Variants in TAOK1 observed in about 807,000 individuals in gnomAD.
TAOK1 encodes the protein TAO kinase 1.
A neutral mutation model predicts 138.3 loss-of-function variants in TAOK1; 21 were observed. The ratio of observed to expected loss-of-function variants is 0.15; its 90% confidence interval spans 0.11 to 0.22. TAOK1 has a LOEUF of 0.22. Among genes scored for constraint, TAOK1 ranks in the 10% least tolerant of loss-of-function variants. The pLI is 1.00. For missense variants in TAOK1, 651 were observed against 1,227.7 expected (o/e 0.53, Z 7.02); for synonymous variants, 361 against 398.4 (o/e 0.91, Z 1.12).
At chr17:29,446,979 A>G (rs1350940382) in intron 1 of TAOK1, among the ~76,000 whole-genome samples, 1 of 150,868 alleles carries the variant, frequency 6.6e-6, no homozygotes, top group Non-Finnish European at 1.5e-5. Flanking sequence ...ACTAGGGATG[A>G]TCCACCTGCC....
chr17:29,534,240 T>C lies in TAOK1; in HGVS notation c.2484T>C (p.Asp828=), dbSNP rs148674035. 2.1e-4 allele frequency: 331 copies of C among 1,613,020 alleles called. No individual in the cohort carries two copies. The highest frequency in any genetic ancestry group is 2.6e-4 in the Non-Finnish European group (305 of 1,179,620). The change falls in exon 19 of 20, where the codon GAT becomes GAC. Residue 828 remains aspartate (D), a synonymous_variant. Coordinates refer to ENST00000261716, the MANE Select transcript of TAOK1 (RefSeq NM_020791.4). Reference sequence around the variant, plus strand: ...AGATGCAAGCTGAGGCACAACATGATCGAGAGCTTCGCGAGCTTGAACAGA... The same window carrying C: ...AGATGCAAGCTGAGGCACAACATGACCGAGAGCTTCGCGAGCTTGAACAGA... ...KIKMQAEAQH[D]RELRELEQRV...
intron 18 of TAOK1, among the ~76,000 whole-genome samples, chr17:29,531,169 G>A (rs971316075): frequency 3.7e-4 from 56 of 150,338 alleles, no homozygotes; most frequent in Admixed American, 1.7e-3. Context: ...GGGTTTTACC[G>A]TGTTAGCCAG....
chr17:29,502,740 A>G lies in TAOK1; in HGVS notation c.1338+17A>G. Reference sequence around the variant, plus strand: ...GCATCACTGGTATGTACTTACCCGAATTAGAGATAAATATATTTTTCATGT... The same window carrying G: ...GCATCACTGGTATGTACTTACCCGAGTTAGAGATAAATATATTTTTCATGT... On this transcript the variant is annotated intron_variant, in intron 13 of 19. Coordinates refer to ENST00000261716, the MANE Select transcript of TAOK1 (RefSeq NM_020791.4). 1 of 1,602,224 alleles carries G rather than the reference A, an allele frequency of 6.2e-7. No individual in the cohort carries two copies. The highest frequency in any genetic ancestry group is 8.5e-7 in the Non-Finnish European group (1 of 1,175,334).
At chr17:29,398,124 A>C (rs548432208) in intron 1 of TAOK1, among the ~76,000 whole-genome samples, 41 of 152,178 alleles carry the variant, frequency 2.7e-4, no homozygotes, top group African/African-American at 9.4e-4. Flanking sequence ...CCTCCTCAGC[A>C]TCCCAAAGAG....
chr17:29,536,822 C>T (rs1413126694), intron 19 of TAOK1, among the ~76,000 whole-genome samples: 1 of 151,156 alleles, frequency 6.6e-6, no homozygotes, highest in East Asian at 2.0e-4. Context: ...GCCTCAGCCT[C>T]CCGAGTACCT....
Position 29,489,646 on chromosome 17 carries a change from GTTTCC to G in TAOK1, c.656-13_656-9del, listed in dbSNP as rs781515659. ...CCCTGGAACCTATTTTAACAGGAAT[GTTTCC>G]TTTCTTTTACAGCGGAAAGGAAGCC... On this transcript the variant is annotated splice_polypyrimidine_tract_variant and intron_variant, in intron 8 of 19. Coordinates refer to ENST00000261716, the MANE Select transcript of TAOK1 (RefSeq NM_020791.4). 3.2e-6 allele frequency: 5 copies of G among 1,570,542 alleles called. No homozygotes were observed. The South Asian group carries it at 5.8e-5, about 18-fold the overall frequency.
chr17:29,393,834 T>C (rs1904504541), intron 1 of TAOK1, among the ~76,000 whole-genome samples: 1 of 152,172 alleles, frequency 6.6e-6, no homozygotes, highest in Admixed American at 6.5e-5. Context: ...AGGATAGTAT[T>C]GCAAACAAAT....
chr17:29,459,436 C>G (rs2030478870), intron 2 of TAOK1, among the ~76,000 whole-genome samples: 1 of 151,868 alleles, frequency 6.6e-6, no homozygotes, highest in Non-Finnish European at 1.5e-5. Flanking sequence ...CGCCCGCCCC[C>G]ACGCCCGGCT....
chr17:29,402,951 G>A (rs1309727694), intron 1 of TAOK1, among the ~76,000 whole-genome samples: 2 of 150,592 alleles, frequency 1.3e-5, no homozygotes, highest in African/African-American at 4.9e-5. Flanking sequence ...GAAGTGGGCA[G>A]ATCACAAGGT....
At chr17:29,467,950 C>G (rs2030713215) in intron 3 of TAOK1, among the ~76,000 whole-genome samples, 1 of 151,116 alleles carries the variant, frequency 6.6e-6, no homozygotes, top group Admixed American at 6.6e-5. Context: ...CTTCAGCCTC[C>G]AGAGTATCTG....
intron 1 of TAOK1, among the ~76,000 whole-genome samples, chr17:29,397,614 ATAT>A (rs753515512): frequency 0.32 from 20,957 of 66,286 alleles, 3,072 homozygotes; most frequent in South Asian, 0.43. Context: ...CCCCAAAAAA[ATAT>A]ATATATATAT....
intron 1 of TAOK1, among the ~76,000 whole-genome samples, chr17:29,444,183 G>A (rs1019365410): frequency 2.6e-5 from 4 of 151,962 alleles, no homozygotes; most frequent in East Asian, 1.9e-4. Context: ...AGGTATTTCT[G>A]TATGTGTATT....
rs1369104559 is a variant in TAOK1 at position 29,455,551 on chromosome 17, T to G, written c.132+3871T>G. Among the ~76,000 whole-genome samples, 2 of 150,620 alleles carry G rather than the reference T, an allele frequency of 1.3e-5. 1 individual carries two copies. Among genetic ancestry groups the G allele is most frequent in the African/African-American group, 5.0e-5 (2 of 39,912 alleles). Reference sequence around the variant, plus strand: ...AGTGAGCATGTTGTCTTGTTCCTGATAGTAGTGAGAAAGCCTTTTCAGCCT... The same window carrying G: ...AGTGAGCATGTTGTCTTGTTCCTGAGAGTAGTGAGAAAGCCTTTTCAGCCT... On this transcript the variant is annotated intron_variant, in intron 2 of 19. Coordinates refer to ENST00000261716, the MANE Select transcript of TAOK1 (RefSeq NM_020791.4).
chr17:29,432,595 G>T (rs1461667083), intron 1 of TAOK1, among the ~76,000 whole-genome samples: 5 of 152,146 alleles, frequency 3.3e-5, no homozygotes, highest in Admixed American at 2.0e-4. Flanking sequence ...CTCCCAAAGT[G>T]CTGGGATTAC....
chr17:29,395,177 G>A (rs9915622), intron 1 of TAOK1, among the ~76,000 whole-genome samples: 63,865 of 151,536 alleles, frequency 0.42, 14,562 homozygotes, highest in East Asian at 0.88. Flanking sequence ...CCAGAAGATG[G>A]AGGCTGCAGT....
At chr17:29,409,819 G>T (rs1905096757) in intron 1 of TAOK1, among the ~76,000 whole-genome samples, 1 of 152,052 alleles carries the variant, frequency 6.6e-6, no homozygotes, top group Non-Finnish European at 1.5e-5. Flanking sequence ...TAACATTCTT[G>T]TGAGAGGGTG....
chr17:29,494,012 GTT>G (rs2031359953), intron 10 of TAOK1, among the ~76,000 whole-genome samples: 2 of 151,998 alleles, frequency 1.3e-5, no homozygotes, highest in African/African-American at 4.8e-5. Context: ...TGCCTCTGAG[GTT>G]CAAGTGATTC....
chr17:29,502,653 C>T lies in TAOK1; in HGVS notation c.1268C>T (p.Pro423Leu), dbSNP rs369256287. Residue 423 changes from proline to leucine, a missense_variant, in exon 13 of 20, where the codon CCC (proline) becomes CTC (leucine). By Grantham distance (98) the Pro-to-Leu change is moderately conservative. Around this residue, in one of 8 missense-constraint regions of TAOK1, gnomAD observed 104 missense variants for 151.7 expected, o/e 0.69. Coordinates refer to ENST00000261716, the MANE Select transcript of TAOK1 (RefSeq NM_020791.4). Reference sequence around the variant, plus strand: ...AGAGCATCAGATCCACAATCTCCACCCCAAGTATCTCGTCACAAATCACAC... The same window carrying T: ...AGAGCATCAGATCCACAATCTCCACTCCAAGTATCTCGTCACAAATCACAC... ...RTRASDPQSP[P>L]QVSRHKSHYR... The T allele has an allele frequency of 4.3e-6, 7 of 1,613,806 alleles. No homozygotes were observed. The African/African-American group carries it at 9.4e-5, about 22-fold the overall frequency.
chr17:29,533,126 C>T (rs527617017), intron 18 of TAOK1, among the ~76,000 whole-genome samples: 239 of 145,622 alleles, frequency 1.6e-3, no homozygotes, highest in African/African-American at 5.5e-3. Flanking sequence ...TCAGACGGGG[C>T]GGTTGCCGGG....
Sources: allele counts gnomAD v4.1 joint callset (sites outside exome capture counted in the v4.1 genomes callset), GRCh38; gene constraint gnomAD v4.1.1; regional missense constraint gnomAD v4.1.1; transcripts MANE v1.5; gene names NCBI Gene and HGNC (gene_info 2026-07-23, HGNC 2026-07-21).